The following GPC5 variants were observed in gnomAD, a reference collection of about 807,000 sequenced individuals.
GPC5 encodes glypican-5.
In GPC5, 47 loss-of-function variants were observed where a neutral mutation model predicts 53.9. The ratio of observed to expected loss-of-function variants is 0.87; its 90% CI spans 0.69 to 1.11. GPC5 has a LOEUF of 1.11. Ranked by LOEUF, GPC5 falls within the 50% of genes most tolerant of loss-of-function variation. The pLI is 0.00. For missense variants in GPC5, 748 were observed against 713.1 expected (o/e 1.05, Z -0.56); for synonymous variants, 286 against 263.3 (o/e 1.09, Z -0.84).
At chr13:91,689,519 A>AT (rs1363951406) in intron 2 of GPC5, among the ~76,000 whole-genome samples, 2 of 151,224 alleles carry the variant, frequency 1.3e-5, no homozygotes, top group African/African-American at 2.4e-5. Context: ...AAACTTTTTG[A>AT]TTTTTTGTAG....
intron 7 of GPC5, among the ~76,000 whole-genome samples, chr13:92,166,326 G>T (rs977694868): frequency 2.0e-5 from 3 of 152,074 alleles, no homozygotes; most frequent in Admixed American, 6.5e-5. Flanking sequence ...TAATGTCCAG[G>T]ACCTTAACAA....
intron 2 of GPC5, among the ~76,000 whole-genome samples, chr13:91,623,667 TA>T (rs2033925153): frequency 6.6e-6 from 1 of 152,200 alleles, no homozygotes; most frequent in East Asian, 1.9e-4. Flanking sequence ...ATTTCATATG[TA>T]AAAAAATCTG....
chr13:92,254,386 A>G (rs1212026697), intron 7 of GPC5, among the ~76,000 whole-genome samples: 1 of 152,174 alleles, frequency 6.6e-6, no homozygotes, highest in Non-Finnish European at 1.5e-5. Flanking sequence ...TTCTACATTT[A>G]ATGAAGTTTG....
intron 2 of GPC5, among the ~76,000 whole-genome samples, chr13:91,473,065 C>T (rs562832414): frequency 2.6e-5 from 4 of 152,206 alleles, no homozygotes; most frequent in Admixed American, 2.0e-4. Flanking sequence ...GAAGGGGAAG[C>T]AGGCATGTCT....
In GPC5 at chr13:91,467,113, T is replaced by C. The variant is rs191973079; in HGVS notation, c.325+18191T>C. ...TAGAGCTAGGACTGGAAATTATGAC[T>C]GCTTTTAAGAAGTTTAAAATCTATT... is the stretch of plus-strand genomic sequence containing the variant. On this transcript the variant is annotated intron_variant, in intron 2 of 7. Coordinates refer to ENST00000377067, the MANE Select transcript of GPC5 (RefSeq NM_004466.6). Among the ~76,000 whole-genome samples the C allele has an allele frequency of 2.0e-5, 3 of 152,328 alleles. No individual in the cohort carries two copies. In the East Asian group the frequency reaches 5.8e-4, roughly 29 times the overall value.
chr13:91,899,907 T>C (rs932141150), intron 5 of GPC5, among the ~76,000 whole-genome samples: 2 of 152,134 alleles, frequency 1.3e-5, no homozygotes, highest in Non-Finnish European at 2.9e-5. Flanking sequence ...ATTTCTGTCC[T>C]CTTAACCCAC....
intron 7 of GPC5, among the ~76,000 whole-genome samples, chr13:92,441,477 T>C (rs1220761470): frequency 6.6e-6 from 1 of 152,218 alleles, no homozygotes; most frequent in Non-Finnish European, 1.5e-5. Context: ...AATAAACAAC[T>C]TCAGTAAAAT....
intron 3 of GPC5, among the ~76,000 whole-genome samples, chr13:91,695,430 G>A (rs2035859467): frequency 6.6e-6 from 1 of 152,098 alleles, no homozygotes; most frequent in Non-Finnish European, 1.5e-5. Flanking sequence ...CTGGGGTGCA[G>A]TGGCATGATC....
chr13:92,610,556 G>C (rs1374154132), intron 7 of GPC5, among the ~76,000 whole-genome samples: 1 of 152,126 alleles, frequency 6.6e-6, no homozygotes, highest in Non-Finnish European at 1.5e-5. Flanking sequence ...TCTAGGAACA[G>C]CATTCAGCAT....
chr13:92,641,553 T>C (rs1053871382), intron 7 of GPC5, among the ~76,000 whole-genome samples: 3 of 152,222 alleles, frequency 2.0e-5, no homozygotes, highest in African/African-American at 7.2e-5. Context: ...TGAATTTTAT[T>C]ATCTTCAGAT....
At chr13:92,629,508 T>C (rs1885166280) in intron 7 of GPC5, among the ~76,000 whole-genome samples, 1 of 152,166 alleles carries the variant, frequency 6.6e-6, no homozygotes, top group Non-Finnish European at 1.5e-5. Flanking sequence ...GTGATTTAAC[T>C]TGTACTGTCA....
intron 7 of GPC5, among the ~76,000 whole-genome samples, chr13:92,618,654 A>G (rs1884775094): frequency 6.6e-6 from 1 of 150,722 alleles, no homozygotes; most frequent in Admixed American, 6.7e-5. Flanking sequence ...GAATAACTTC[A>G]AATTAGGTTG....
At chr13:91,690,965 T>C (rs457538) in intron 2 of GPC5, among the ~76,000 whole-genome samples, 31,296 of 152,212 alleles carry the variant, frequency 0.21, 4,111 homozygotes, top group African/African-American at 0.36. Context: ...CCATTATTGG[T>C]AAATAAAATT....
At chr13:91,621,463 A>G (rs946564161) in intron 2 of GPC5, among the ~76,000 whole-genome samples, 1 of 152,028 alleles carries the variant, frequency 6.6e-6, no homozygotes, top group Non-Finnish European at 1.5e-5. Context: ...TAGAGCTAAT[A>G]AGAGAAACCC....
chr13:91,769,586 G>A (rs755572086), intron 5 of GPC5, among the ~76,000 whole-genome samples: 4 of 152,194 alleles, frequency 2.6e-5, no homozygotes, highest in Non-Finnish European at 5.9e-5. Flanking sequence ...CATGCTTCAT[G>A]TGTCTAAGGA....
intron 1 of GPC5, among the ~76,000 whole-genome samples, chr13:91,423,668 A>G (rs2138994204): frequency 6.6e-6 from 1 of 152,354 alleles, no homozygotes; most frequent in Admixed American, 6.5e-5. Context: ...TCTATTGCAC[A>G]GCATGGGGAC....
intron 7 of GPC5, among the ~76,000 whole-genome samples, chr13:92,519,917 A>T (rs1465668971): frequency 6.6e-6 from 1 of 152,208 alleles, no homozygotes; most frequent in Non-Finnish European, 1.5e-5. Flanking sequence ...GAAGAATCAA[A>T]TAGACGCAAT....
intron 7 of GPC5, among the ~76,000 whole-genome samples, chr13:92,708,857 CTTTTTTTTTTTTTTTTTTTTTTTTTT>C (rs752130758): frequency 1.2e-4 from 6 of 48,142 alleles, no homozygotes; most frequent in African/African-American, 1.5e-4. Context: ...TGGAAACCGC[CTTTTTTTTTTTTTTTTTTTTTTTTTT>C]TTTTTTTTTT....
intron 7 of GPC5, among the ~76,000 whole-genome samples, chr13:92,745,341 A>C (rs755794131): frequency 1.3e-5 from 2 of 152,110 alleles, no homozygotes; most frequent in African/African-American, 4.8e-5. Flanking sequence ...GTGCATTTCT[A>C]CAGCACACCT....
Sources: allele counts gnomAD v4.1 joint callset (sites outside exome capture counted in the v4.1 genomes callset), GRCh38; gene constraint gnomAD v4.1.1; transcripts MANE v1.5; gene names NCBI Gene and HGNC (gene_info 2026-07-23, HGNC 2026-07-21).